ADGRD1: variants seen among roughly 807,000 people sequenced by gnomAD.
ADGRD1 encodes G-protein coupled receptor 133.
In ADGRD1, 77 loss-of-function variants were observed where a neutral mutation model predicts 113.4. The ratio of observed to expected loss-of-function variants is 0.68; its 90% CI spans 0.57 to 0.82. The LOEUF is 0.82. Among genes scored for constraint, ADGRD1 ranks in the 40% least tolerant of loss-of-function variants. The probability of loss-of-function intolerance (pLI) is 0.00; values close to 1 mark genes in which losing one functional copy is unlikely to be tolerated. For missense variants in ADGRD1, 1,036 were observed against 1,139.1 expected, an observed-to-expected ratio of 0.91 and a Z score of 1.30; for synonymous variants, 474 against 475.0, an observed-to-expected ratio of 1.00 and a Z score of 0.03.
intron 4 of ADGRD1, among the ~76,000 whole-genome samples, chr12:130,974,010 G>C (rs1872009580): frequency 6.6e-6 from 1 of 152,218 alleles, no homozygotes. Context: ...CGTGAGGCCT[G>C]ATGCAGACGC....
At chr12:131,052,983 A>AT (rs1883538489) in intron 13 of ADGRD1, among the ~76,000 whole-genome samples, 1 of 152,180 alleles carries the variant, frequency 6.6e-6, no homozygotes, top group African/African-American at 2.4e-5. Context: ...GCCCCAGTTT[A>AT]TAGCACAGAA....
At chr12:130,972,691 C>T (rs1345693878) in intron 4 of ADGRD1, among the ~76,000 whole-genome samples, 3 of 152,006 alleles carry the variant, frequency 2.0e-5, no homozygotes, top group African/African-American at 7.3e-5. Context: ...GTAATATGTG[C>T]TCCTTCCTTG....
At chr12:131,083,623 CAAAAA>C in intron 14 of ADGRD1, among the ~76,000 whole-genome samples, 1 of 152,014 alleles carries the variant, frequency 6.6e-6, no homozygotes, top group South Asian at 2.1e-4. Context: ...AACAAACAAA[CAAAAA>C]AGAAAATATA....
At chr12:131,125,553 C>A (rs909585771) in intron 20 of ADGRD1, among the ~76,000 whole-genome samples, 1 of 152,100 alleles carries the variant, frequency 6.6e-6, no homozygotes, top group African/African-American at 2.4e-5. Context: ...GACAGATACA[C>A]AGATGGAAAT....
chr12:130,996,807 G>C (rs1420599310), intron 8 of ADGRD1, among the ~76,000 whole-genome samples: 1 of 107,268 alleles, frequency 9.3e-6, no homozygotes, highest in African/African-American at 3.6e-5. Flanking sequence ...CTCACCTCCC[G>C]GACGGGGCGG....
rs1261778252 is a variant in ADGRD1 at position 131,057,837 on chromosome 12, T to C, written c.1474-18964T>C. 6.6e-6 allele frequency among the ~76,000 whole-genome samples: 1 copy of C among 152,220 alleles called. No individual in the cohort carries two copies. Among genetic ancestry groups the C allele is most frequent in the East Asian group, 1.9e-4 (1 of 5,194 alleles). On this transcript the variant is annotated intron_variant, in intron 13 of 24. Coordinates refer to ENST00000261654, the MANE Select transcript of ADGRD1 (RefSeq NM_198827.5). This position sits in a 1 kb window ranked among gnomAD's most constrained non-coding sequence, Gnocchi z 4.2. ...GCTGGGATGAGGCAGAAAATGGGTC[T>C]GCATGTCTCTGCCTTCACTGGTACC...
At position 131,136,064 on chromosome 12, in the gene ADGRD1, G is replaced by A. The variant is rs371732578; in HGVS notation, c.2295G>A (p.Leu765=). ...TGACAGCCAAGGCAGTGGCCGTGCTGCTGCCCATCCTGGGTACCTCGTGGG... is the reference window on the plus strand; with the variant it reads ...TGACAGCCAAGGCAGTGGCCGTGCTACTGCCCATCCTGGGTACCTCGTGGG... The part of the protein sequence containing the change: ...FKLTAKAVAV[L]LPILGTSWVF... The change falls in exon 22 of 25, where the codon CTG becomes CTA. Residue 765 remains leucine, a synonymous_variant. Transcript: ENST00000261654. 79 of 1,613,974 alleles carry A rather than the reference G, an allele frequency of 4.9e-5. No homozygotes were observed. The highest frequency in any genetic ancestry group is 6.6e-5 in the South Asian group (6 of 91,090).
chr12:131,045,946 G>A (rs7961925), intron 13 of ADGRD1, among the ~76,000 whole-genome samples: 14,157 of 151,172 alleles, frequency 0.094, 860 homozygotes, highest in Non-Finnish European at 0.13. Context: ...CGCCCTGGTT[G>A]GTGCTCCCTC....
intron 18 of ADGRD1, among the ~76,000 whole-genome samples, chr12:131,115,626 T>C (rs909458024): frequency 3.3e-5 from 5 of 152,160 alleles, no homozygotes; most frequent in Non-Finnish European, 7.4e-5. Flanking sequence ...GTCTGGTCCC[T>C]CTGAAGGTCA....
chr12:130,981,046 G>A (rs1397737568), intron 4 of ADGRD1: 1 of 152,214 alleles, frequency 6.6e-6, no homozygotes, highest in Non-Finnish European at 1.5e-5. Context: ...TTCAGCTGCT[G>A]CCCCCTCTGT....
rs1283884197 is a variant in ADGRD1, at chr12:131,113,734, G to T, written c.2042-4651G>T. On this transcript the variant is annotated intron_variant, in intron 18 of 24. Transcript: ENST00000261654. The surrounding 1 kb of genome is among the most constrained non-coding windows in gnomAD (Gnocchi z 4.9). The stretch of plus-strand genomic sequence containing the variant: ...CGGACGTCCTCCGTCCTGCCTCACT[G>T]CTCATGCTGTATCATCACGAGGATG... 2.6e-5 allele frequency among the ~76,000 whole-genome samples: 4 copies of T among 152,158 alleles called. No homozygotes were observed. The highest frequency in any genetic ancestry group is 9.7e-5 in the African/African-American group (4 of 41,442).
At position 131,027,275 on chromosome 12, in the gene ADGRD1, T is replaced by A. The variant is rs1880073098; in HGVS notation, c.1473+12935T>A. ...TCAGAGATGACCAGTGTCAACATTGTGGTGACTTCTTTCGGGGCTTCTCTA... is the reference window on the plus strand; with the variant it reads ...TCAGAGATGACCAGTGTCAACATTGAGGTGACTTCTTTCGGGGCTTCTCTA... On this transcript the variant is annotated intron_variant, in intron 13 of 24. Transcript: ENST00000261654. The surrounding 1 kb of genome is among the most constrained non-coding windows in gnomAD (Gnocchi z 5.1). 6.6e-6 allele frequency: 1 copy of A among 152,192 alleles called. No individual in the cohort carries two copies. The allele number at this position is 152,192 out of a possible 1,614,324, so 9.4% of individuals were successfully genotyped here. A position where few individuals can be genotyped will look rare whatever the true frequency, so the allele number is the denominator to read the frequency against.
chr12:130,959,001 G>A (rs564532566), intron 2 of ADGRD1, among the ~76,000 whole-genome samples: 59 of 152,324 alleles, frequency 3.9e-4, no homozygotes, highest in Non-Finnish European at 6.3e-4. Flanking sequence ...AGCTCACAGC[G>A]TGAGGGGAAT....
chr12:131,037,530 A>G (rs1313990664), intron 13 of ADGRD1, among the ~76,000 whole-genome samples: 6 of 75,282 alleles, frequency 8.0e-5, no homozygotes, highest in East Asian at 4.4e-4. Flanking sequence ...TCACTACACC[A>G]GGTCTCAGTC....
intron 15 of ADGRD1, among the ~76,000 whole-genome samples, chr12:131,094,202 G>A (rs1178225366): frequency 6.6e-6 from 1 of 152,186 alleles, no homozygotes; most frequent in African/African-American, 2.4e-5. Context: ...CTGCCTGACA[G>A]AGTGAAGTCA....
At chr12:131,102,257 T>C (rs952005018) in intron 15 of ADGRD1, among the ~76,000 whole-genome samples, 1 of 152,190 alleles carries the variant, frequency 6.6e-6, no homozygotes, top group Non-Finnish European at 1.5e-5. Flanking sequence ...ACCGCGGCTA[T>C]GCGATTAATG....
rs1887284722 is a variant in ADGRD1 at position 131,096,434 on chromosome 12, T to C, written c.1672-8397T>C. 6.6e-6 allele frequency among the ~76,000 whole-genome samples: 1 copy of C among 152,174 alleles called. No individual in the cohort carries two copies. On this transcript the variant is annotated intron_variant, in intron 15 of 24. Transcript: ENST00000261654. This position sits in a 1 kb window ranked among gnomAD's most constrained non-coding sequence, Gnocchi z 5.2. The stretch of plus-strand genomic sequence containing the variant: ...GCAAGATAGCACACTTTAAAAAATG[T>C]ATGCACGTATCTTGGAGGTTGCTCC...
At chr12:130,975,076 T>C (rs1490159064) in intron 4 of ADGRD1, among the ~76,000 whole-genome samples, 1 of 152,180 alleles carries the variant, frequency 6.6e-6, no homozygotes, top group Non-Finnish European at 1.5e-5. Context: ...CTCAGGATTC[T>C]GTCTTTCAAC....
rs2136127121 is a variant in ADGRD1 at position 131,141,120 on chromosome 12, C to T, written c.*1857C>T. On this transcript the variant is annotated 3_prime_UTR_variant, in exon 25 of 25. Coordinates refer to ENST00000261654, the MANE Select transcript of ADGRD1 (RefSeq NM_198827.5). ...CTACAATGTACACTTGGATATTTCT[C>T]CTTATTTAGTTTCTAGTGAAACAAA... is the stretch of plus-strand genomic sequence containing the variant. 1 of 152,344 alleles carries T rather than the reference C, an allele frequency of 6.6e-6. No individual in the cohort carries two copies. The highest frequency in any genetic ancestry group is 2.1e-4 in the South Asian group (1 of 4,824). 9.4% of individuals were successfully genotyped at this position (152,344 alleles called of 1,614,324 possible).
Sources: allele counts gnomAD v4.1 joint callset (sites outside exome capture counted in the v4.1 genomes callset), GRCh38; gene constraint gnomAD v4.1.1; non-coding constraint Gnocchi (gnomAD v3.1); transcripts MANE v1.5; gene names NCBI Gene and HGNC (gene_info 2026-07-23, HGNC 2026-07-21).